MAGI2: variants seen among roughly 807,000 people sequenced by gnomAD.
MAGI2 encodes membrane-associated guanylate kinase, WW and PDZ domain-containing protein 2.
Under a neutral mutation model 133.3 loss-of-function variants are expected in MAGI2, and 35 were observed. That is an observed-to-expected ratio of 0.26 (90% CI 0.20 to 0.35). The LOEUF (loss-of-function observed/expected upper bound fraction) is 0.35. MAGI2 is among the 10% of genes least tolerant of loss of function. The probability of loss-of-function intolerance (pLI) is 1.00; values close to 1 mark genes in which losing one functional copy is unlikely to be tolerated. For synonymous variants in MAGI2, 729 were observed against 710.6 expected (o/e 1.03, Z -0.41); for missense variants, 1,636 against 1,863.4 (o/e 0.88, Z 2.25).
chr7:79,241,628 A>AG (rs1832424679), intron 1 of MAGI2, among the ~76,000 whole-genome samples: 1 of 152,208 alleles, frequency 6.6e-6, no homozygotes, highest in Non-Finnish European at 1.5e-5. Flanking sequence ...TTGGGACTGA[A>AG]ACTGCCTTTG....
chr7:79,415,856 C>T (rs1456275433), intron 1 of MAGI2, among the ~76,000 whole-genome samples: 1 of 152,126 alleles, frequency 6.6e-6, no homozygotes, highest in Non-Finnish European at 1.5e-5. Flanking sequence ...AAAGAATAAA[C>T]TTGCTGGTCT....
intron 9 of MAGI2, among the ~76,000 whole-genome samples, chr7:78,315,041 A>G (rs1228575338): frequency 1.5e-4 from 23 of 152,146 alleles, no homozygotes; most frequent in Admixed American, 1.5e-3. Flanking sequence ...GTGGTTCACA[A>G]CTGTCCATTT....
At chr7:79,024,005 A>G (rs962401110) in intron 1 of MAGI2, among the ~76,000 whole-genome samples, 1 of 152,200 alleles carries the variant, frequency 6.6e-6, no homozygotes, top group Non-Finnish European at 1.5e-5. Flanking sequence ...ATATGGAACC[A>G]AAAAGGATCT....
At chr7:79,116,763 T>C (rs1285012223) in intron 1 of MAGI2, among the ~76,000 whole-genome samples, 1 of 152,194 alleles carries the variant, frequency 6.6e-6, no homozygotes, top group Non-Finnish European at 1.5e-5. Flanking sequence ...CCACCCAACA[T>C]CTGGTTGTTT....
intron 2 of MAGI2, among the ~76,000 whole-genome samples, chr7:78,727,776 C>T (rs1585210211): frequency 6.6e-6 from 1 of 152,182 alleles, no homozygotes; most frequent in African/African-American, 2.4e-5. Flanking sequence ...AAAGTCTAGA[C>T]ATCTGTTATC....
chr7:79,338,010 C>T (rs1342871505), intron 1 of MAGI2, among the ~76,000 whole-genome samples: 13 of 152,094 alleles, frequency 8.5e-5, no homozygotes. Flanking sequence ...ATAAAACATC[C>T]TTTGTGATAG....
chr7:79,308,441 A>C (rs765943089), intron 1 of MAGI2, among the ~76,000 whole-genome samples: 1 of 152,192 alleles, frequency 6.6e-6, no homozygotes, highest in Non-Finnish European at 1.5e-5. Flanking sequence ...CGAGTTCAAT[A>C]GTGCAATAAA....
chr7:78,147,458 ATG>A, intron 16 of MAGI2, among the ~76,000 whole-genome samples: 1 of 152,262 alleles, frequency 6.6e-6, no homozygotes, highest in African/African-American at 2.4e-5. Flanking sequence ...TTATAACTAT[ATG>A]TGTTTTCAGT....
At chr7:79,339,890 C>T (rs1323360684) in intron 1 of MAGI2, among the ~76,000 whole-genome samples, 1 of 152,032 alleles carries the variant, frequency 6.6e-6, no homozygotes, top group Admixed American at 6.6e-5. Flanking sequence ...TTTTTTCCTC[C>T]TGTAAATAAT....
At chr7:78,753,207 A>G (rs879770749) in intron 2 of MAGI2, among the ~76,000 whole-genome samples, 3 of 152,148 alleles carry the variant, frequency 2.0e-5, no homozygotes, top group African/African-American at 7.2e-5. Context: ...GGCAGCTATT[A>G]TAATTATGAT....
intron 2 of MAGI2, among the ~76,000 whole-genome samples, chr7:78,772,736 C>T (rs1459877144): frequency 6.6e-6 from 1 of 152,160 alleles, no homozygotes; most frequent in African/African-American, 2.4e-5. Flanking sequence ...TATATGCTAA[C>T]TGGCTGCAAA....
chr7:79,174,709 T>G (rs1825939161), intron 1 of MAGI2, among the ~76,000 whole-genome samples: 1 of 150,854 alleles, frequency 6.6e-6, no homozygotes, highest in Non-Finnish European at 1.5e-5. Context: ...AAAAAAGAAA[T>G]AAATTATTAA....
intron 1 of MAGI2, among the ~76,000 whole-genome samples, chr7:79,256,336 T>C (rs1833678179): frequency 1.3e-5 from 2 of 152,190 alleles, no homozygotes; most frequent in African/African-American, 4.8e-5. Context: ...AGCATGGCTG[T>C]TCCTTATCAT....
chr7:78,413,522 G>A (rs1057286044), intron 6 of MAGI2, among the ~76,000 whole-genome samples: 1 of 152,040 alleles, frequency 6.6e-6, no homozygotes, highest in African/African-American at 2.4e-5. Flanking sequence ...TAGTGGAAAT[G>A]CCTAATAAAC....
chr7:79,287,422 C>T (rs1479778246), intron 1 of MAGI2, among the ~76,000 whole-genome samples: 2 of 152,076 alleles, frequency 1.3e-5, no homozygotes, highest in African/African-American at 4.8e-5. Context: ...GCCTCCCTCC[C>T]AACAGCCATG....
chr7:79,421,394 C>T (rs2129179869), intron 1 of MAGI2, among the ~76,000 whole-genome samples: 1 of 151,898 alleles, frequency 6.6e-6, no homozygotes, highest in South Asian at 2.1e-4. Flanking sequence ...TATCATTAGC[C>T]TTCCACAAAT....
chr7:78,980,580 C>A (rs1024511759), intron 2 of MAGI2, among the ~76,000 whole-genome samples: 10 of 151,748 alleles, frequency 6.6e-5, no homozygotes, highest in Non-Finnish European at 1.0e-4. Flanking sequence ...GCTGTAAATA[C>A]CTAGTGTTTA....
rs150639664 is a variant in MAGI2, at chr7:78,901,708, G to A, written c.418+105382C>T. On this transcript the variant is annotated intron_variant, in intron 2 of 21. Coordinates refer to ENST00000354212, the MANE Select transcript of MAGI2 (RefSeq NM_012301.4). Reference sequence around the variant, plus strand: ...TTAAGTAAAAGGGCTTCTATTCACCGTACAGGAAATTAAGTGATCGGTTCT... The same window carrying A: ...TTAAGTAAAAGGGCTTCTATTCACCATACAGGAAATTAAGTGATCGGTTCT... 7.2e-5 allele frequency among the ~76,000 whole-genome samples: 11 copies of A among 151,746 alleles called. No individual in the cohort carries two copies. The East Asian group carries it at 1.2e-3, about 16-fold the overall frequency.
chr7:78,787,036 G>A (rs1008826695), intron 2 of MAGI2, among the ~76,000 whole-genome samples: 1 of 151,318 alleles, frequency 6.6e-6, no homozygotes, highest in East Asian at 1.9e-4. Flanking sequence ...TGCAACCTCC[G>A]ACTCTGGTTT....
Sources: allele counts gnomAD v4.1 joint callset (sites outside exome capture counted in the v4.1 genomes callset), GRCh38; gene constraint gnomAD v4.1.1; transcripts MANE v1.5; gene names NCBI Gene and HGNC (gene_info 2026-07-23, HGNC 2026-07-21).